ARSG: variants seen among roughly 807,000 people sequenced by gnomAD.
ARSG encodes ASG.
Under a neutral mutation model 50.5 loss-of-function variants are expected in ARSG, and 37 were observed. The observed-to-expected ratio is 0.73, with a 90% CI of 0.56 to 0.96. The LOEUF (loss-of-function observed/expected upper bound fraction) is 0.96. ARSG is among the 50% of genes least tolerant of loss of function. ARSG has a pLI of 0.00. For synonymous variants in ARSG, 225 were observed against 254.6 expected (o/e 0.88, Z 1.11); for missense variants, 629 against 675.3 (o/e 0.93, Z 0.76).
chr17:68,407,763 T>C (rs939574263), intron 11 of ARSG, among the ~76,000 whole-genome samples: 4 of 152,114 alleles, frequency 2.6e-5, no homozygotes, highest in Non-Finnish European at 1.5e-5. Flanking sequence ...TGGAGGAGTC[T>C]TTAGGGTTTT....
the ARSG span, chr17:68,429,959 GTGTGGTCT>G: frequency 1.2e-6 from 2 of 1,611,834 alleles, no homozygotes; most frequent in Non-Finnish European, 8.5e-7. Flanking sequence ...ATTGACGAAA[GTGTGGTCT>G]TGTTCAGAGT....
chr17:68,338,782 T>TA (rs928753612), intron 2 of ARSG, among the ~76,000 whole-genome samples: 1 of 152,188 alleles, frequency 6.6e-6, no homozygotes, highest in Non-Finnish European at 1.5e-5. Context: ...TAGTTCAAGC[T>TA]AAAAAATGGT....
chr17:68,263,240 TA>T (rs5821648), intron 1 of ARSG, among the ~76,000 whole-genome samples: 98,642 of 151,946 alleles, frequency 0.65, 33,498 homozygotes, highest in African/African-American at 0.84. Flanking sequence ...AGAGAGTCAT[TA>T]ACGAGAACTG....
chr17:68,269,340 A>T, intron 1 of ARSG: 1 of 1,210,828 alleles, frequency 8.3e-7, no homozygotes, highest in Non-Finnish European at 1.1e-6. Context: ...TTGGTCCACC[A>T]ACAAACCTGG....
In ARSG at chr17:68,307,613, T is replaced by G. The variant is rs1205861585; in HGVS notation, c.120T>G (p.Ile40Met). ...GAGGACAGAAGCCAAACTTTGTGAT[T>G]ATTTTGGCCGATGACATGGGGTGGG... The part of the protein sequence containing the change: ...KTRGQKPNFV[I>M]ILADDMGWGD... Residue 40 changes from isoleucine (I) to methionine (M), a missense_variant, in exon 2 of 12, where the codon ATT becomes ATG. Transcript: ENST00000621439. 1.2e-6 allele frequency: 2 copies of G among 1,613,656 alleles called. No individual in the cohort carries two copies. The highest frequency in any genetic ancestry group is 1.7e-6 in the Non-Finnish European group (2 of 1,179,680).
At chr17:68,336,933 T>A (rs1166733077) in intron 2 of ARSG, among the ~76,000 whole-genome samples, 1 of 151,834 alleles carries the variant, frequency 6.6e-6, no homozygotes, top group Non-Finnish European at 1.5e-5. Flanking sequence ...TGACCTGAGG[T>A]GACAGGAAGA....
intron 9 of ARSG, among the ~76,000 whole-genome samples, chr17:68,393,530 C>T (rs543047774): frequency 1.3e-5 from 2 of 152,138 alleles, no homozygotes; most frequent in African/African-American, 2.4e-5. Flanking sequence ...AAAGAGAAGC[C>T]GAAATGTGCT....
chr17:68,433,720 A>G, the ARSG span: 1 of 321,216 alleles, frequency 3.1e-6, no homozygotes, highest in South Asian at 6.1e-5. Flanking sequence ...TGGTGCTCAT[A>G]TTTAGAAATT....
intron 1 of ARSG, among the ~76,000 whole-genome samples, chr17:68,283,501 ACAGAG>A (rs1381142965): frequency 6.8e-6 from 1 of 146,596 alleles, no homozygotes; most frequent in East Asian, 2.0e-4. Context: ...AGCCTGGGCG[ACAGAG>A]TGAGACTCCG....
At chr17:68,365,166 C>T (rs909942374) in intron 6 of ARSG, among the ~76,000 whole-genome samples, 6 of 152,066 alleles carry the variant, frequency 3.9e-5, no homozygotes, top group Non-Finnish European at 8.8e-5. Flanking sequence ...AAAAATTAGC[C>T]AGGTGTGGTG....
chr17:68,342,358 G>GTT (rs113758545), intron 2 of ARSG, among the ~76,000 whole-genome samples: 3 of 139,972 alleles, frequency 2.1e-5, no homozygotes, highest in Non-Finnish European at 4.7e-5. Flanking sequence ...ATATGTATGT[G>GTT]TTTTTTTTTT....
chr17:68,426,247 A>AGGGGGGGGGGGGGGGG, downstream of ARSG: 4 of 655,812 alleles, frequency 6.1e-6, 1 homozygote, highest in Admixed American at 3.9e-5. Context: ...GCGGGTGGGG[A>AGGGGGGGGGGGGGGGG]GCGGGGGCTC....
chr17:68,349,599 A>T (rs1248850134), intron 4 of ARSG, among the ~76,000 whole-genome samples: 1 of 151,612 alleles, frequency 6.6e-6, no homozygotes, highest in Non-Finnish European at 1.5e-5. Flanking sequence ...AATACAACAA[A>T]CAGGCTGGGC....
Position 68,352,142 on chromosome 17 carries a change from GGA to G in ARSG, c.566+475_566+476del, listed in dbSNP as rs200912330. Reference sequence around the variant, plus strand: ...GAGGAGAGAGAGAGAGAGAGACAGAGGAGAGAGAGAGAGAGAGAGACAGAGAG... The same window carrying G: ...GAGGAGAGAGAGAGAGAGAGACAGAGGAGAGAGAGAGAGAGAGACAGAGAG... On this transcript the variant is annotated intron_variant, in intron 5 of 11. Coordinates refer to ENST00000621439, the MANE Select transcript of ARSG (RefSeq NM_001267727.2). 7.1e-5 allele frequency among the ~76,000 whole-genome samples: 6 copies of G among 84,038 alleles called. 1 individual carries two copies. The highest frequency in any genetic ancestry group is 4.9e-4 in the East Asian group (2 of 4,060). 55.1% of individuals were successfully genotyped at this position (84,038 alleles called of 152,430 possible). A position where few individuals can be genotyped will look rare whatever the true frequency, so the allele number is the denominator to read the frequency against.
the ARSG span, chr17:68,430,265 A>G: frequency 1.4e-5 from 17 of 1,180,958 alleles, no homozygotes; most frequent in African/African-American, 3.1e-5. Flanking sequence ...CGCAGCAGGG[A>G]GAGACTGTGC....
At chr17:68,333,909 T>A (rs2077899043) in intron 2 of ARSG, among the ~76,000 whole-genome samples, 3 of 152,016 alleles carry the variant, frequency 2.0e-5, no homozygotes, top group South Asian at 4.1e-4. Context: ...TCCCAATACG[T>A]GTGGCTGCCA....
intron 10 of ARSG, among the ~76,000 whole-genome samples, chr17:68,396,739 GTTC>G (rs1268567690): frequency 2.6e-5 from 4 of 152,168 alleles, no homozygotes; most frequent in Non-Finnish European, 5.9e-5. Context: ...TGGGCCATCG[GTTC>G]TTCTGTGCAC....
intron 6 of ARSG, 45 bp from the exon 7 acceptor site, chr17:68,368,503 C>T (rs2079657663): frequency 6.3e-7 from 1 of 1,586,350 alleles, no homozygotes; most frequent in Non-Finnish European, 8.6e-7. Context: ...CCAGATGAGC[C>T]AGGAGAGCCT....
intron 8 of ARSG, among the ~76,000 whole-genome samples, chr17:68,372,877 A>ATTTTTTTTTT (rs55668215): frequency 1.1e-5 from 1 of 93,164 alleles, no homozygotes; most frequent in South Asian, 4.0e-4. Context: ...GGAAATGCTG[A>ATTTTTTTTTT]TTTTTTTTTT....
Sources: allele counts gnomAD v4.1 joint callset (sites outside exome capture counted in the v4.1 genomes callset), GRCh38; gene constraint gnomAD v4.1.1; transcripts MANE v1.5; gene names NCBI Gene and HGNC (gene_info 2026-07-23, HGNC 2026-07-21).